The following JARID2 variants were observed in gnomAD, a reference collection of about 807,000 sequenced individuals.
JARID2 encodes the protein protein Jumonji.
Under a neutral mutation model 125.6 loss-of-function variants are expected in JARID2, and 21 were observed. The observed-to-expected ratio is 0.17, with a 90% CI of 0.12 to 0.24. The LOEUF (loss-of-function observed/expected upper bound fraction) is 0.24, where lower values mean the gene tolerates loss of function less well. Among genes scored for constraint, JARID2 ranks in the 10% least tolerant of loss-of-function variants. The probability of loss-of-function intolerance (pLI) is 1.00; values close to 1 mark genes in which losing one functional copy is unlikely to be tolerated. For missense variants in JARID2, 1,303 were observed against 1,639.6 expected (o/e 0.79, Z 3.55); for synonymous variants, 736 against 661.6 (o/e 1.11, Z -1.73).
intron 1 of JARID2, among the ~76,000 whole-genome samples, chr6:15,266,691 C>CA (rs1208028166): frequency 6.6e-6 from 1 of 152,184 alleles, no homozygotes; most frequent in Non-Finnish European, 1.5e-5. Flanking sequence ...TCTACACTCT[C>CA]AATGTTTAAA....
intron 5 of JARID2, among the ~76,000 whole-genome samples, chr6:15,477,036 AAAAAC>A (rs1769376036): frequency 6.6e-6 from 1 of 152,198 alleles, no homozygotes; most frequent in African/African-American, 2.4e-5. Flanking sequence ...TTTATAACTT[AAAAAC>A]GGAAGGAAGA....
chr6:15,452,816 A>C (rs893015828), intron 4 of JARID2, among the ~76,000 whole-genome samples: 1 of 152,224 alleles, frequency 6.6e-6, no homozygotes, highest in Non-Finnish European at 1.5e-5. Flanking sequence ...CTGTGAGGAA[A>C]GAACACAGAA....
At chr6:15,515,952 G>C (rs555972790) in intron 16 of JARID2, among the ~76,000 whole-genome samples, 3 of 147,290 alleles carry the variant, frequency 2.0e-5, no homozygotes, top group Admixed American at 6.8e-5. Context: ...GCAGTGAGCC[G>C]AGATCGCGCC....
chr6:15,364,414 G>C (rs1003204900), intron 1 of JARID2, among the ~76,000 whole-genome samples: 2 of 152,202 alleles, frequency 1.3e-5, no homozygotes, highest in Admixed American at 1.3e-4. Flanking sequence ...CCTTAGAAAA[G>C]GATTTGAAGG....
At chr6:15,477,302 G>A (rs1313560447) in intron 5 of JARID2, among the ~76,000 whole-genome samples, 2 of 151,916 alleles carry the variant, frequency 1.3e-5, no homozygotes, top group African/African-American at 4.8e-5. Context: ...TGGGGTGTCG[G>A]TCATGCATCA....
intron 8 of JARID2, among the ~76,000 whole-genome samples, chr6:15,502,041 T>C (rs1770764636): frequency 6.6e-6 from 1 of 152,226 alleles, no homozygotes; most frequent in Admixed American, 6.5e-5. Flanking sequence ...TGTGGAGAGC[T>C]ATCCCTGATA....
chr6:15,283,257 T>G (rs12189766), intron 1 of JARID2, among the ~76,000 whole-genome samples: 14,400 of 140,554 alleles, frequency 0.1, 1,010 homozygotes, highest in South Asian at 0.17. Context: ...GGATTACAGG[T>G]GTGAGCCACT....
intron 17 of JARID2, among the ~76,000 whole-genome samples, chr6:15,519,452 G>A (rs1771725579): frequency 6.6e-6 from 1 of 152,124 alleles, no homozygotes; most frequent in Admixed American, 6.6e-5. Flanking sequence ...TCTCCTGCCA[G>A]GGTCAGCATG....
At chr6:15,478,508 C>T (rs1318630237) in intron 5 of JARID2, among the ~76,000 whole-genome samples, 2 of 150,764 alleles carry the variant, frequency 1.3e-5, no homozygotes, top group Non-Finnish European at 3.0e-5. Context: ...CAATGGGATG[C>T]GTTCTGGTCT....
At chr6:15,473,668 G>A (rs1338496062) in intron 5 of JARID2, among the ~76,000 whole-genome samples, 1 of 152,012 alleles carries the variant, frequency 6.6e-6, no homozygotes, top group East Asian at 1.9e-4. Context: ...TTGTCCCTTT[G>A]TAGGCATCCG....
At chr6:15,485,278 A>T (rs556214718) in intron 5 of JARID2, among the ~76,000 whole-genome samples, 90 of 152,340 alleles carry the variant, frequency 5.9e-4, no homozygotes, top group Non-Finnish European at 1.1e-3. Context: ...GATGGGGATA[A>T]TGGAGATCTC....
At chr6:15,407,553 A>G (rs910940420) in intron 2 of JARID2, among the ~76,000 whole-genome samples, 3 of 152,194 alleles carry the variant, frequency 2.0e-5, no homozygotes, top group African/African-American at 7.2e-5. Flanking sequence ...ACCAAAGGGT[A>G]TAGGAACCCT....
At chr6:15,386,359 C>T (rs532541872) in intron 2 of JARID2, among the ~76,000 whole-genome samples, 72 of 152,028 alleles carry the variant, frequency 4.7e-4, no homozygotes, top group African/African-American at 1.7e-3. Flanking sequence ...TGTGAAACCA[C>T]ATATCTCCAG....
chr6:15,346,692 A>G (rs1165873218), intron 1 of JARID2, among the ~76,000 whole-genome samples: 2 of 150,798 alleles, frequency 1.3e-5, no homozygotes, highest in African/African-American at 2.4e-5. Context: ...GGATGCTTGT[A>G]GTGACCAGCT....
At position 15,487,366 on chromosome 6, in the gene JARID2, A is replaced by G. The variant is rs1769926692; in HGVS notation, c.730A>G (p.Lys244Glu). 3 of 1,614,116 alleles carry G rather than the reference A, an allele frequency of 1.9e-6. No individual in the cohort carries two copies. Among genetic ancestry groups the G allele is most frequent in the Admixed American group, 3.3e-5 (2 of 60,006 alleles). ...GGAACCTGTTCAAAAACACAAAAGC[A>G]AAGAGGCCACTCCCGCAAAGGAGAA... is the stretch of plus-strand genomic sequence containing the variant. Reference protein sequence around the residue: ...EKEPVQKHKSKEATPAKEKHS... With the variant: ...EKEPVQKHKSEEATPAKEKHS... Residue 244 changes from lysine to glutamate, a missense_variant, in exon 6 of 18, where the codon AAA (lysine) becomes GAA (glutamate). Transcript: ENST00000341776.
chr6:15,379,526 A>C (rs76689459), intron 2 of JARID2, among the ~76,000 whole-genome samples: 2 of 152,306 alleles, frequency 1.3e-5, no homozygotes, highest in East Asian at 3.9e-4. Context: ...GGAAGCTATT[A>C]ACTGTATTTG....
intron 1 of JARID2, among the ~76,000 whole-genome samples, chr6:15,272,640 C>A (rs1481705100): frequency 1.3e-5 from 2 of 152,190 alleles, no homozygotes; most frequent in Non-Finnish European, 2.9e-5. Flanking sequence ...TACTTGACCC[C>A]AAATCAGGAT....
chr6:15,358,614 C>T (rs893276416), intron 1 of JARID2, among the ~76,000 whole-genome samples: 8 of 152,212 alleles, frequency 5.3e-5, no homozygotes, highest in African/African-American at 1.9e-4. Flanking sequence ...CTTGTGTCCA[C>T]TGTAACCTTT....
At chr6:15,350,299 G>T (rs553060451) in intron 1 of JARID2, among the ~76,000 whole-genome samples, 6 of 152,278 alleles carry the variant, frequency 3.9e-5, no homozygotes, top group Admixed American at 2.6e-4. Flanking sequence ...GCTGCATGTT[G>T]ACCAAGCACC....
Sources: allele counts gnomAD v4.1 joint callset (sites outside exome capture counted in the v4.1 genomes callset), GRCh38; gene constraint gnomAD v4.1.1; transcripts MANE v1.5; gene names NCBI Gene and HGNC (gene_info 2026-07-23, HGNC 2026-07-21).